The following C12orf56 variants were observed in gnomAD, a reference collection of about 807,000 sequenced individuals.
C12orf56 encodes the protein chromosome 12 open reading frame 56, also known as uncharacterized protein C12orf56.
A neutral mutation model predicts 69.9 loss-of-function variants in C12orf56; 71 were observed. The observed-to-expected ratio is 1.02, with a 90% CI of 0.84 to 1.24. C12orf56 has a LOEUF of 1.24. C12orf56 is among the 50% of genes most tolerant of loss of function. The pLI, the probability that C12orf56 is intolerant of heterozygous loss-of-function variation, is 0.00. For missense variants in C12orf56, 732 were observed against 738.5 expected, an observed-to-expected ratio of 0.99 and a Z score of 0.10; for synonymous variants, 276 against 274.1, an observed-to-expected ratio of 1.01 and a Z score of -0.07.
At chr12:64,293,833 C>T (rs2038329014) in intron 6 of C12orf56, among the ~76,000 whole-genome samples, 1 of 152,148 alleles carries the variant, frequency 6.6e-6, no homozygotes, top group Non-Finnish European at 1.5e-5. Flanking sequence ...TGACAGAAAG[C>T]ACATCGATAG....
intron 4 of C12orf56, among the ~76,000 whole-genome samples, chr12:64,313,419 TACC>T: frequency 6.6e-6 from 1 of 151,978 alleles, no homozygotes; most frequent in Admixed American, 6.6e-5. Flanking sequence ...CCATGGCTTG[TACC>T]TGTAGTCTCA....
chr12:64,381,867 A>C (rs148544031), intron 1 of C12orf56, among the ~76,000 whole-genome samples: 22 of 152,338 alleles, frequency 1.4e-4, no homozygotes, highest in African/African-American at 5.3e-4. Context: ...TCATTTGGTA[A>C]AATAGGGAAA....
In C12orf56 at chr12:64,356,170, C is replaced by CAAAAAAAA. The variant is rs761289428; in HGVS notation, c.253-3122_253-3115dup. 6.4e-4 allele frequency among the ~76,000 whole-genome samples: 31 copies of CAAAAAAAA among 48,418 alleles called. 3 individuals are homozygous for CAAAAAAAA. The highest frequency in any genetic ancestry group is 2.3e-3 in the African/African-American group (24 of 10,662). The allele number at this position is 48,418 out of a possible 152,430, so 31.8% of individuals were successfully genotyped here. Reference sequence around the variant, plus strand: ...GTTGCCCAGGAGCAAGACTCCATCTCAAAAAAAAAAAAAAAAAAAAAAAAA... The same window carrying CAAAAAAAA: ...GTTGCCCAGGAGCAAGACTCCATCTCAAAAAAAAAAAAAAAAAAAAAAAAAAAAAAAAA... On this transcript the variant is annotated intron_variant, in intron 1 of 12. Transcript: ENST00000543942.
intron 7 of C12orf56, among the ~76,000 whole-genome samples, chr12:64,285,361 T>TA (rs932241262): frequency 6.6e-6 from 1 of 152,114 alleles, no homozygotes; most frequent in Admixed American, 6.6e-5. Context: ...ATGTCAATGG[T>TA]AAAAAAGAGA....
intron 3 of C12orf56, among the ~76,000 whole-genome samples, chr12:64,329,281 A>G (rs1468538107): frequency 1.3e-5 from 2 of 152,030 alleles, no homozygotes; most frequent in East Asian, 3.9e-4. Flanking sequence ...CCAGCTGGAA[A>G]CCACGTAGTT....
chr12:64,313,035 C>T (rs2038640456), intron 4 of C12orf56, among the ~76,000 whole-genome samples: 1 of 151,546 alleles, frequency 6.6e-6, no homozygotes, highest in African/African-American at 2.4e-5. Flanking sequence ...CCGAGGCAGG[C>T]AGATCACAAG....
At chr12:64,334,001 G>A (rs1016266040) in intron 2 of C12orf56, among the ~76,000 whole-genome samples, 1 of 152,180 alleles carries the variant, frequency 6.6e-6, no homozygotes, top group African/African-American at 2.4e-5. Context: ...ATCTGCTGCT[G>A]TATTCTCTAG....
At chr12:64,279,691 G>T (rs2038098635) in intron 8 of C12orf56, among the ~76,000 whole-genome samples, 1 of 152,094 alleles carries the variant, frequency 6.6e-6, no homozygotes, top group Admixed American at 6.6e-5. Flanking sequence ...AAGTCAAAAA[G>T]CAAGTCTAGT....
At chr12:64,279,422 G>A (rs1011334929) in intron 8 of C12orf56, among the ~76,000 whole-genome samples, 2 of 152,228 alleles carry the variant, frequency 1.3e-5, no homozygotes, top group Non-Finnish European at 1.5e-5. Context: ...TAAAAACTCA[G>A]TTGCCTAATT....
At chr12:64,362,252 T>A (rs2039409089) in intron 1 of C12orf56, among the ~76,000 whole-genome samples, 1 of 152,080 alleles carries the variant, frequency 6.6e-6, no homozygotes, top group Non-Finnish European at 1.5e-5. Context: ...TTATAGTATT[T>A]TGTAATATTT....
At chr12:64,336,588 A>C (rs1172358328) in intron 2 of C12orf56, among the ~76,000 whole-genome samples, 1 of 152,178 alleles carries the variant, frequency 6.6e-6, no homozygotes, top group Non-Finnish European at 1.5e-5. Flanking sequence ...CTGGTGAGCA[A>C]CCAGGGATTT....
intron 4 of C12orf56, among the ~76,000 whole-genome samples, chr12:64,313,091 T>A (rs2038641204): frequency 6.6e-6 from 1 of 151,290 alleles, no homozygotes; most frequent in Admixed American, 6.6e-5. Context: ...AAACCCCATC[T>A]CTACTAAAAA....
At chr12:64,337,049 C>G (rs1303631909) in intron 2 of C12orf56, among the ~76,000 whole-genome samples, 1 of 152,156 alleles carries the variant, frequency 6.6e-6, no homozygotes, top group Non-Finnish European at 1.5e-5. Context: ...GGATTCAAAC[C>G]TGGGCTTAGT....
intron 1 of C12orf56, among the ~76,000 whole-genome samples, chr12:64,378,422 G>A (rs1413271034): frequency 1.3e-5 from 2 of 151,848 alleles, no homozygotes; most frequent in East Asian, 1.9e-4. Context: ...GTGTGACTAA[G>A]TATCCCATAT....
chr12:64,274,012 G>A (rs117067787), intron 11 of C12orf56, among the ~76,000 whole-genome samples: 346 of 152,308 alleles, frequency 2.3e-3, no homozygotes, highest in Non-Finnish European at 4.4e-3. Context: ...CAACAGTGAC[G>A]AGGCCTATAA....
chr12:64,274,646 GT>G (rs940578089), intron 11 of C12orf56, among the ~76,000 whole-genome samples: 1 of 152,218 alleles, frequency 6.6e-6, no homozygotes, highest in Non-Finnish European at 1.5e-5. Context: ...TTAATATTCT[GT>G]TTTCTACATG....
At chr12:64,305,400 G>C (rs1482575632) in intron 5 of C12orf56, among the ~76,000 whole-genome samples, 1 of 151,984 alleles carries the variant, frequency 6.6e-6, no homozygotes, top group Non-Finnish European at 1.5e-5. Context: ...TGTTTGTTTT[G>C]AGATAGTGTC....
intron 3 of C12orf56, among the ~76,000 whole-genome samples, chr12:64,326,776 T>C (rs777805336): frequency 6.6e-6 from 1 of 151,518 alleles, no homozygotes; most frequent in Non-Finnish European, 1.5e-5. Context: ...TGTCACAATG[T>C]GGTATCAGTA....
chr12:64,308,077 A>G (rs4763153), intron 5 of C12orf56, among the ~76,000 whole-genome samples: 149,968 of 152,164 alleles, frequency 0.99, 73,940 homozygotes, highest in Middle Eastern at 1. Flanking sequence ...CTAGCACTTT[A>G]GGAGGCCCAG....
Sources: allele counts gnomAD v4.1 joint callset (sites outside exome capture counted in the v4.1 genomes callset), GRCh38; gene constraint gnomAD v4.1.1; transcripts MANE v1.5; gene names NCBI Gene and HGNC (gene_info 2026-07-23, HGNC 2026-07-21).